MSANTD4: variants seen among roughly 807,000 people sequenced by gnomAD.
The protein encoded by MSANTD4 is myb/SANT-like DNA-binding domain-containing protein 4.
A neutral mutation model predicts 34.3 loss-of-function variants in MSANTD4; 13 were observed. The observed-to-expected ratio is 0.38, with a 90% CI of 0.25 to 0.60. MSANTD4 has a LOEUF of 0.60. MSANTD4 is among the 20% of genes least tolerant of loss of function. The pLI is 0.63. For missense variants in MSANTD4, 358 were observed against 401.8 expected, an observed-to-expected ratio of 0.89 and a Z score of 0.93; for synonymous variants, 137 against 145.2, an observed-to-expected ratio of 0.94 and a Z score of 0.41.
chr11:106,020,129 A>T (rs1859984967), intron 1 of MSANTD4, among the ~76,000 whole-genome samples: 1 of 152,232 alleles, frequency 6.6e-6, no homozygotes. Context: ...TACAATAAAG[A>T]AATACTAACA....
In MSANTD4 at chr11:106,009,972, G is replaced by A; in HGVS notation, c.601C>T (p.Pro201Ser). ...STPSRSAYDE[P>S]HLLVNIEKQK... ...TTCTCAATATTTACGAGCAAATGAG[G>A]CTCATCATATGCAGATCTAGATGGT... The change falls in exon 3 of 3, where the codon CCT (proline) becomes TCT (serine). Residue 201 changes from proline (P) to serine (S), a missense_variant. Pro to Ser is a moderately conservative substitution (Grantham distance 74). Coordinates refer to ENST00000301919, the MANE Select transcript of MSANTD4 (RefSeq NM_032424.3). 1 of 1,611,724 alleles carries A rather than the reference G, an allele frequency of 6.2e-7. No homozygotes were observed. The highest frequency in any genetic ancestry group is 1.1e-5 in the South Asian group (1 of 91,062).
chr11:106,009,850 C>CCG lies in MSANTD4; in HGVS notation c.721_722dup (p.His242GlyfsTer3). On this transcript the variant is annotated frameshift_variant, in exon 3 of 3. Transcript: ENST00000301919. LOFTEE classifies it high-confidence loss of function. ...GCCGCTCATGTTCCATGTCTAAATG[C>CCG]CGCAGCCTCTCTTTCTCGATTTGTA... 2 of 1,613,992 alleles carry CCG rather than the reference C, an allele frequency of 1.2e-6. No individual in the cohort carries two copies. The highest frequency in any genetic ancestry group is 1.7e-6 in the Non-Finnish European group (2 of 1,180,012).
At chr11:106,017,957 T>G (rs1859903438) in intron 1 of MSANTD4, among the ~76,000 whole-genome samples, 1 of 152,154 alleles carries the variant, frequency 6.6e-6, no homozygotes, top group African/African-American at 2.4e-5. Flanking sequence ...AAATGCAGAC[T>G]CTGATTCAGG....
At chr11:106,019,464 C>T (rs1384004493) in intron 1 of MSANTD4, among the ~76,000 whole-genome samples, 1 of 152,176 alleles carries the variant, frequency 6.6e-6, no homozygotes, top group Non-Finnish European at 1.5e-5. Flanking sequence ...CATACTGGAA[C>T]AGCACAACTC....
intron 1 of MSANTD4, among the ~76,000 whole-genome samples, chr11:106,015,820 C>T (rs1221225003): frequency 2.6e-5 from 4 of 151,628 alleles, no homozygotes; most frequent in Non-Finnish European, 4.4e-5. Flanking sequence ...AATGTTTTAA[C>T]ATCTGATTCC....
intron 1 of MSANTD4, among the ~76,000 whole-genome samples, chr11:106,016,650 G>T (rs1234777112): frequency 6.6e-6 from 1 of 152,136 alleles, no homozygotes; most frequent in Non-Finnish European, 1.5e-5. Flanking sequence ...GTTTCCATAG[G>T]CACACAAAGC....
intron 1 of MSANTD4, 23 bp downstream of exon 1, chr11:106,020,939 T>TG (rs1182451184): frequency 2.6e-5 from 4 of 152,186 alleles, no homozygotes; most frequent in African/African-American, 9.6e-5. Context: ...CTTGAGTTGT[T>TG]GAAGTTCTGT....
rs769737271 is a variant in MSANTD4, at chr11:106,010,582, A to G, written c.336T>C (p.Asp112=). The G allele has an allele frequency of 5.0e-6, 8 of 1,614,032 alleles. No individual in the cohort carries two copies. In the African/African-American group the frequency reaches 9.3e-5, roughly 19 times the overall value. The change falls in exon 2 of 3, where the codon GAT becomes GAC. Residue 112 remains aspartate (D), a synonymous_variant. Transcript: ENST00000301919. ...CATCATTTCGGAATCCAATCTTTTC[A>G]TCTATCTCTTCAGTGAGAGAGTCAT... ...DLDDSLTEEI[D]EKIGFRNDAN...
rs1405218493 is a variant in MSANTD4, at chr11:106,010,808, T to C, written c.110A>G (p.Asn37Ser). The change falls in exon 2 of 3, where the codon AAT becomes AGT. Residue 37 changes from asparagine (N) to serine (S), a missense_variant. By Grantham distance (46) the Asn-to-Ser change is conservative. Transcript: ENST00000301919. ...TCGCTTCATCACATTAATTGTTGTATTGAGCTGCTTGGAAAAAATGACTTC... is the reference window on the plus strand; with the variant it reads ...TCGCTTCATCACATTAATTGTTGTACTGAGCTGCTTGGAAAAAATGACTTC... ...RKEVIFSKQLNTTINVMKRMA... is the reference protein window; with the variant it reads ...RKEVIFSKQLSTTINVMKRMA... 5.6e-6 allele frequency: 9 copies of C among 1,614,102 alleles called. No individual in the cohort carries two copies. The highest frequency in any genetic ancestry group is 2.2e-5 in the South Asian group (2 of 91,088).
At chr11:106,013,472 C>T (rs1859757137) in intron 1 of MSANTD4, among the ~76,000 whole-genome samples, 1 of 152,202 alleles carries the variant, frequency 6.6e-6, no homozygotes, top group Non-Finnish European at 1.5e-5. Context: ...TTGCCCACAA[C>T]ACAGCTAGTT....
At chr11:106,011,415 C>A (rs1463631249) in intron 1 of MSANTD4, among the ~76,000 whole-genome samples, 2 of 152,304 alleles carry the variant, frequency 1.3e-5, no homozygotes, top group Admixed American at 1.3e-4. Flanking sequence ...CCTTTGTCCA[C>A]ACTGTTCCTT....
At chr11:106,014,700 T>C (rs1859796348) in intron 1 of MSANTD4, among the ~76,000 whole-genome samples, 1 of 152,228 alleles carries the variant, frequency 6.6e-6, no homozygotes, top group Non-Finnish European at 1.5e-5. Context: ...TATGCATTTT[T>C]CCTTTTCAAG....
At chr11:106,014,146 A>AT (rs1859777754) in intron 1 of MSANTD4, among the ~76,000 whole-genome samples, 1 of 152,294 alleles carries the variant, frequency 6.6e-6, no homozygotes, top group Non-Finnish European at 1.5e-5. Flanking sequence ...AAATATCGAT[A>AT]TTTTTTAAAA....
chr11:106,011,270 C>T (rs1859681790), intron 1 of MSANTD4, among the ~76,000 whole-genome samples: 1 of 152,192 alleles, frequency 6.6e-6, no homozygotes, highest in South Asian at 2.1e-4. Flanking sequence ...AGGTTCCTAA[C>T]CAGTTGCCAC....
chr11:106,016,018 C>G (rs1356727978), intron 1 of MSANTD4, among the ~76,000 whole-genome samples: 1 of 152,110 alleles, frequency 6.6e-6, no homozygotes, highest in East Asian at 1.9e-4. Flanking sequence ...CCACCATGTA[C>G]TACTAATTTT....
chr11:106,011,492 C>T (rs1859691558), intron 1 of MSANTD4, among the ~76,000 whole-genome samples: 1 of 152,204 alleles, frequency 6.6e-6, no homozygotes, highest in Admixed American at 6.5e-5. Context: ...TTTATTCCTC[C>T]TCATCCTTTA....
chr11:106,014,020 G>A (rs760155499), intron 1 of MSANTD4, among the ~76,000 whole-genome samples: 9 of 152,166 alleles, frequency 5.9e-5, no homozygotes, highest in Non-Finnish European at 1.3e-4. Flanking sequence ...AAATTAGACC[G>A]GAGACCTGGC....
rs1372433380 is a variant in MSANTD4, at chr11:106,008,065, C to G, written c.*1470G>C. 3 of 152,586 alleles carry G rather than the reference C, an allele frequency of 2.0e-5. No homozygotes were observed. The highest frequency in any genetic ancestry group is 4.4e-5 in the Non-Finnish European group (3 of 68,016). 9.5% of individuals were successfully genotyped at this position (152,586 alleles called of 1,614,324 possible). A position where few individuals can be genotyped will look rare whatever the true frequency, so the allele number is the denominator to read the frequency against. ...AGTTTCCAGCCATTCTTACAAGGAA[C>G]AAATGCAAAATTAAAGTAATAACTG... On this transcript the variant is annotated 3_prime_UTR_variant, in exon 3 of 3. Coordinates refer to ENST00000301919, the MANE Select transcript of MSANTD4 (RefSeq NM_032424.3).
Position 106,009,772 on chromosome 11 carries a change from C to G in MSANTD4, c.801G>C (p.Gln267His). The change falls in exon 3 of 3, where the codon CAG (glutamine) becomes CAC (histidine). Residue 267 changes from glutamine (Q) to histidine (H), a missense_variant. Physicochemically the swap from Gln to His is conservative, Grantham distance 24. Coordinates refer to ENST00000301919, the MANE Select transcript of MSANTD4 (RefSeq NM_032424.3). ...LQIEREKLRL[Q>H]IVNSEKPSLE... ...AGGACGGTTTCTCTGAATTGACTAT[C>G]TGTAACCTCAACTTTTCTCTTTCAA... is the stretch of plus-strand genomic sequence containing the variant. 1 of 1,614,248 alleles carries G rather than the reference C, an allele frequency of 6.2e-7. No individual in the cohort carries two copies. Among genetic ancestry groups the G allele is most frequent in the Non-Finnish European group, 8.5e-7 (1 of 1,180,050 alleles).
Sources: gnomAD v4.1 joint callset for allele counts (sites outside exome capture counted in the v4.1 genomes callset) on GRCh38, gnomAD v4.1.1 for gene constraint, MANE v1.5 for transcripts, NCBI Gene and HGNC (gene_info 2026-07-23, HGNC 2026-07-21) for gene names.